SRSF11: variants seen among roughly 807,000 people sequenced by gnomAD.
SRSF11 encodes serine/arginine-rich splicing factor 11.
A neutral mutation model predicts 56.0 loss-of-function variants in SRSF11; 9 were observed. That is an observed-to-expected ratio of 0.16 (90% CI 0.10 to 0.28). SRSF11 has a LOEUF of 0.28. Among genes scored for constraint, SRSF11 ranks in the 10% least tolerant of loss-of-function variants. The pLI is 1.00. For missense variants in SRSF11, 421 were observed against 600.7 expected (o/e 0.70, Z 3.13); for synonymous variants, 222 against 215.3 (o/e 1.03, Z -0.27).
intron 4 of SRSF11, among the ~76,000 whole-genome samples, chr1:70,235,205 CAA>C (rs1673690649): frequency 6.6e-6 from 1 of 151,978 alleles, no homozygotes; most frequent in Non-Finnish European, 1.5e-5. Context: ...TTCTTTATGT[CAA>C]AAAGTCTTAA....
In SRSF11 at chr1:70,232,059, A is replaced by AG. The variant is rs1672935272; in HGVS notation, c.338-208dup. 3 of 1,528,848 alleles carry AG rather than the reference A, an allele frequency of 2.0e-6. No individual in the cohort carries two copies. The Admixed American group carries it at 6.3e-5, about 32-fold the overall frequency. The allele number at this position is 1,528,848 out of a possible 1,614,324, so 94.7% of individuals were successfully genotyped here. A position where few individuals can be genotyped will look rare whatever the true frequency, so the allele number is the denominator to read the frequency against. On this transcript the variant is annotated intron_variant, in intron 2 of 11. Coordinates refer to ENST00000370949, the MANE Select transcript of SRSF11 (RefSeq NM_001350605.2). ...ACTCTAGAAACTTAACCATTTGTAG[A>AG]GAAAAAGGAAACAAATTTTCACACA... is the stretch of plus-strand genomic sequence containing the variant.
At chr1:70,249,520 A>C (rs1571964465) in intron 9 of SRSF11, 1 of 153,336 alleles carries the variant, frequency 6.5e-6, no homozygotes, top group African/African-American at 2.4e-5. Flanking sequence ...TTACTCATTT[A>C]ATTGTTTAGC....
upstream of SRSF11, among the ~76,000 whole-genome samples, chr1:70,219,017 C>G (rs1458429540): frequency 6.6e-6 from 1 of 152,158 alleles, no homozygotes; most frequent in East Asian, 1.9e-4. Context: ...CTAATCCAAA[C>G]CAAAATCCAA....
chr1:70,233,520 G>C (rs947041251), intron 3 of SRSF11, among the ~76,000 whole-genome samples: 3 of 152,316 alleles, frequency 2.0e-5, no homozygotes, highest in Admixed American at 6.5e-5. Flanking sequence ...GATTACAGGC[G>C]TGAGCCACCG....
intron 1 of SRSF11, among the ~76,000 whole-genome samples, chr1:70,226,588 G>C (rs1359241683): frequency 6.6e-6 from 1 of 152,162 alleles, no homozygotes; most frequent in Non-Finnish European, 1.5e-5. Context: ...ATTGGTAGAG[G>C]TCAGTTTTAA....
chr1:70,209,434 T>C (rs1162458988), intron 1 of SRSF11, among the ~76,000 whole-genome samples: 1 of 152,230 alleles, frequency 6.6e-6, no homozygotes, highest in African/African-American at 2.4e-5. Flanking sequence ...TGTGTTTATC[T>C]TTCAGAATAT....
At chr1:70,242,103 G>A (rs1206250151) in intron 7 of SRSF11, among the ~76,000 whole-genome samples, 6 of 151,380 alleles carry the variant, frequency 4.0e-5, no homozygotes, top group African/African-American at 1.2e-4. Context: ...CCGGAGGCGG[G>A]GATTGCAGTG....
At chr1:70,226,216 A>G (rs74547525) in intron 1 of SRSF11, among the ~76,000 whole-genome samples, 15,128 of 152,080 alleles carry the variant, frequency 0.099, 881 homozygotes, top group East Asian at 0.3. Context: ...TTTAATCGAA[A>G]AAATGTTAAG....
At chr1:70,212,616 T>C (rs1027237588) in intron 1 of SRSF11, among the ~76,000 whole-genome samples, 1 of 152,188 alleles carries the variant, frequency 6.6e-6, no homozygotes, top group Non-Finnish European at 1.5e-5. Flanking sequence ...GTTGGTGTCA[T>C]GTTTGTATTG....
intron 7 of SRSF11, among the ~76,000 whole-genome samples, chr1:70,242,472 C>CTTTTTTTTTTTTTTTTTT (rs377434872): frequency 2.9e-5 from 4 of 139,382 alleles, no homozygotes; most frequent in African/African-American, 1.1e-4. Context: ...ATTTTTGCAC[C>CTTTTTTTTTTTTTTTTTT]TTTTTTTTTT....
At chr1:70,235,773 C>T (rs1673845494) in intron 5 of SRSF11, among the ~76,000 whole-genome samples, 1 of 152,118 alleles carries the variant, frequency 6.6e-6, no homozygotes. Context: ...TTGTAAATGA[C>T]TTATACCTGG....
rs1043487019 is a variant in SRSF11, at chr1:70,221,542, C to T, written c.-95C>T. ...CAGAGGCTGTAGCATCGGACACCCT[C>T]CTCTCTCCCGCAATCCGGTTCCTCT... is the stretch of plus-strand genomic sequence containing the variant. On this transcript the variant is annotated 5_prime_UTR_variant, in exon 1 of 12. Transcript: ENST00000370949. 2.3e-5 allele frequency: 34 copies of T among 1,490,096 alleles called. No individual in the cohort carries two copies. Among genetic ancestry groups the T allele is most frequent in the Non-Finnish European group, 2.9e-5 (32 of 1,109,094 alleles). 92.3% of individuals were successfully genotyped at this position (1,490,096 alleles called of 1,614,324 possible).
At chr1:70,240,444 G>A (rs968872172) in intron 7 of SRSF11, among the ~76,000 whole-genome samples, 1 of 152,114 alleles carries the variant, frequency 6.6e-6, no homozygotes, top group Non-Finnish European at 1.5e-5. Flanking sequence ...TGTGACATTG[G>A]TGCAAACGTC....
chr1:70,220,695 C>A (rs1433630522), upstream of SRSF11: 1 of 152,000 alleles, frequency 6.6e-6, no homozygotes, highest in Non-Finnish European at 1.5e-5. Context: ...ACTAAAAATA[C>A]AAAACTTAGC....
chr1:70,236,006 C>T (rs1459432579), intron 5 of SRSF11, among the ~76,000 whole-genome samples: 3 of 152,146 alleles, frequency 2.0e-5, no homozygotes, highest in African/African-American at 7.2e-5. Context: ...GTGACAGATT[C>T]ATCAGTTTTT....
chr1:70,237,693 C>CAGACGTATTTGGAGACAATTCTT (rs1674428608), intron 6 of SRSF11, 141 bp downstream of exon 6: 5 of 1,195,834 alleles, frequency 4.2e-6, no homozygotes, highest in Non-Finnish European at 5.7e-6. Flanking sequence ...GAGTGCCACT[C>CAGACGTATTTGGAGACAATTCTT]AGACGTATTT....
At chr1:70,236,591 A>G (rs2100818689) in intron 5 of SRSF11, among the ~76,000 whole-genome samples, 1 of 151,516 alleles carries the variant, frequency 6.6e-6, no homozygotes, top group East Asian at 2.0e-4. Context: ...AGGCTTCCCA[A>G]AGTGCTGGGC....
intron 2 of SRSF11, chr1:70,231,467 G>C: frequency 3.8e-6 from 4 of 1,051,930 alleles, no homozygotes; most frequent in Non-Finnish European, 4.6e-6. Context: ...TTGGCTTAAG[G>C]AGTTTGGCTA....
chr1:70,226,726 C>A lies in SRSF11; in HGVS notation c.204-1696C>A, dbSNP rs1671865196. Among the ~76,000 whole-genome samples, 4 of 152,128 alleles carry A rather than the reference C, an allele frequency of 2.6e-5. No homozygotes were observed. In the South Asian group the frequency reaches 8.3e-4, roughly 32 times the overall value. On this transcript the variant is annotated intron_variant, in intron 1 of 11. Coordinates refer to ENST00000370949, the MANE Select transcript of SRSF11 (RefSeq NM_001350605.2). ...ATGTCAGCAAAGAAATGTGAAGTGC[C>A]ATAGCTTACTAAACCTGCTAAAGTA... is the stretch of plus-strand genomic sequence containing the variant.
Sources: gnomAD v4.1 joint callset for allele counts (sites outside exome capture counted in the v4.1 genomes callset) on GRCh38, gnomAD v4.1.1 for gene constraint, MANE v1.5 for transcripts, NCBI Gene and HGNC (gene_info 2026-07-23, HGNC 2026-07-21) for gene names.